TBC1D32: variants seen among roughly 807,000 people sequenced by gnomAD.
The protein encoded by TBC1D32 is TBC1 domain family member 32, also known as protein broad-minded.
In TBC1D32, 151 loss-of-function variants were observed where a neutral mutation model predicts 170.3. The observed-to-expected ratio is 0.89, with a 90% CI of 0.78 to 1.01. The LOEUF is 1.01. Ranked by LOEUF, TBC1D32 falls within the 50% of genes least tolerant of loss-of-function variation. The pLI is 0.00. For synonymous variants in TBC1D32, 498 were observed against 488.0 expected, an observed-to-expected ratio of 1.02 and a Z score of -0.27; for missense variants, 1,464 against 1,457.1, an observed-to-expected ratio of 1.00 and a Z score of -0.08.
At chr6:121,198,238 T>TATATATTATATATATATATAATATAA (rs1231700203) in intron 22 of TBC1D32, among the ~76,000 whole-genome samples, 2 of 22,930 alleles carry the variant, frequency 8.7e-5, no homozygotes, top group South Asian at 0.011. Context: ...TATATATAAA[T>TATATATTATATATATATATAATATAA]ATATATATTA....
intron 21 of TBC1D32, among the ~76,000 whole-genome samples, chr6:121,215,947 T>C (rs753762356): frequency 6.6e-6 from 1 of 152,222 alleles, no homozygotes; most frequent in Non-Finnish European, 1.5e-5. Context: ...TTGTAGCAAT[T>C]GTCCCCAAAC....
intron 29 of TBC1D32, among the ~76,000 whole-genome samples, chr6:121,107,317 G>A (rs181345470): frequency 1.3e-5 from 2 of 151,982 alleles, no homozygotes; most frequent in East Asian, 3.9e-4. Context: ...TTGATTTACA[G>A]TGGTTTTTCG....
chr6:121,325,452 G>A (rs1810331183), intron 1 of TBC1D32, among the ~76,000 whole-genome samples: 1 of 152,058 alleles, frequency 6.6e-6, no homozygotes, highest in Non-Finnish European at 1.5e-5. Context: ...CAGAACAGAG[G>A]CCTCAGAAAT....
chr6:121,279,811 C>G (rs945523029), intron 14 of TBC1D32, among the ~76,000 whole-genome samples: 4 of 151,922 alleles, frequency 2.6e-5, no homozygotes, highest in African/African-American at 9.7e-5. Context: ...TACTAAAATA[C>G]CTTTGCCAAT....
intron 16 of TBC1D32, 84 bp from the exon 17 acceptor site, chr6:121,255,494 T>A: frequency 7.2e-6 from 2 of 275,972 alleles, no homozygotes; most frequent in Non-Finnish European, 1.2e-5. Context: ...TATAATTATA[T>A]TTTATAATTA....
At chr6:121,292,967 G>A (rs1222017536) in intron 11 of TBC1D32, among the ~76,000 whole-genome samples, 1 of 152,090 alleles carries the variant, frequency 6.6e-6, no homozygotes, top group African/African-American at 2.4e-5. Flanking sequence ...CAGAGAGAGA[G>A]CAGCTGAAGC....
chr6:121,200,709 G>A (rs1791432872), intron 22 of TBC1D32, among the ~76,000 whole-genome samples: 1 of 151,508 alleles, frequency 6.6e-6, no homozygotes, highest in African/African-American at 2.5e-5. Context: ...AAAGGCAAGA[G>A]GCATGCAAAG....
intron 15 of TBC1D32, among the ~76,000 whole-genome samples, chr6:121,265,063 A>G (rs376813191): frequency 3.9e-4 from 60 of 152,264 alleles, no homozygotes; most frequent in Non-Finnish European, 7.5e-4. Context: ...GTTCTGGCCA[A>G]GGCAATCAGG....
intron 30 of TBC1D32, among the ~76,000 whole-genome samples, chr6:121,101,413 GGATGCGAA>G (rs1282604204): frequency 2.6e-5 from 4 of 151,962 alleles, no homozygotes; most frequent in Admixed American, 2.6e-4. Flanking sequence ...TTCATCCATG[GGATGCGAA>G]GCTGGTTCAA....
intron 22 of TBC1D32, among the ~76,000 whole-genome samples, chr6:121,179,872 T>C (rs1049712340): frequency 8.5e-5 from 13 of 152,136 alleles, no homozygotes; most frequent in African/African-American, 3.1e-4. Context: ...TTTGTCTCCA[T>C]ATATAAAAGA....
chr6:121,127,041 G>A (rs1273173070), intron 25 of TBC1D32, among the ~76,000 whole-genome samples: 1 of 152,118 alleles, frequency 6.6e-6, no homozygotes, highest in Admixed American at 6.6e-5. Context: ...ATATAAACAG[G>A]TACAATATAA....
chr6:121,104,175 A>G (rs1407289837), intron 30 of TBC1D32, among the ~76,000 whole-genome samples: 1 of 151,830 alleles, frequency 6.6e-6, no homozygotes, highest in Non-Finnish European at 1.5e-5. Flanking sequence ...ACTACTGTCT[A>G]ATTAAGTGGA....
Position 121,308,030 on chromosome 6 carries a change from A to G in TBC1D32, c.636T>C (p.Thr212=), listed in dbSNP as rs1470875300. 2 of 1,613,900 alleles carry G rather than the reference A, an allele frequency of 1.2e-6. No individual in the cohort carries two copies. The highest frequency in any genetic ancestry group is 3.3e-5 in the Admixed American group (2 of 60,022). The change falls in exon 5 of 32, where the codon ACT becomes ACC. Residue 212 remains threonine (T), a synonymous_variant. Transcript: ENST00000398212. ...ACACGGTCAGTTTTTCGCAGAGAGT[A>G]GTCCAATTTTCACAGTTGAGGACAT... ...PSDVLNCENW[T]TLCEKLTVSL...
At chr6:121,228,936 G>C (rs1345754489) in intron 20 of TBC1D32, among the ~76,000 whole-genome samples, 4 of 151,952 alleles carry the variant, frequency 2.6e-5, no homozygotes, top group Non-Finnish European at 5.9e-5. Flanking sequence ...ACTGATTTAT[G>C]ATTATGTCTT....
At chr6:121,119,697 A>T (rs1377657747) in intron 26 of TBC1D32, among the ~76,000 whole-genome samples, 2 of 152,124 alleles carry the variant, frequency 1.3e-5, no homozygotes, top group Non-Finnish European at 2.9e-5. Flanking sequence ...GAATTTACAA[A>T]CTGCAAATGT....
At chr6:121,233,614 A>G (rs1795997887) in intron 20 of TBC1D32, among the ~76,000 whole-genome samples, 1 of 152,048 alleles carries the variant, frequency 6.6e-6, no homozygotes, top group South Asian at 2.1e-4. Context: ...GGGTTAGGTG[A>G]GTCTCCTGAA....
intron 15 of TBC1D32, among the ~76,000 whole-genome samples, chr6:121,278,317 T>C (rs961768262): frequency 2.0e-5 from 3 of 152,074 alleles, no homozygotes; most frequent in Non-Finnish European, 4.4e-5. Context: ...CTGATATATC[T>C]CATGAACATA....
intron 1 of TBC1D32, among the ~76,000 whole-genome samples, 159 bp from the exon 2 acceptor site, chr6:121,321,953 C>CT (rs908893974): frequency 4.3e-4 from 64 of 147,912 alleles, no homozygotes; most frequent in African/African-American, 1.4e-3. Context: ...TAATTTTTGG[C>CT]TTTTTTTTTT....
chr6:121,128,317 C>A (rs1281435027), intron 25 of TBC1D32, among the ~76,000 whole-genome samples: 2 of 152,208 alleles, frequency 1.3e-5, no homozygotes, highest in Non-Finnish European at 2.9e-5. Context: ...TATATGTGGT[C>A]ATTGAACCTA....
Sources: allele counts gnomAD v4.1 joint callset (sites outside exome capture counted in the v4.1 genomes callset), GRCh38; gene constraint gnomAD v4.1.1; transcripts MANE v1.5; gene names NCBI Gene and HGNC (gene_info 2026-07-23, HGNC 2026-07-21).